Variants in SYMPK observed in about 807,000 individuals in gnomAD.
SYMPK encodes the protein symplekin.
Under a neutral mutation model 136.4 loss-of-function variants are expected in SYMPK, and 49 were observed. The ratio of observed to expected loss-of-function variants is 0.36; its 90% CI spans 0.29 to 0.46. The LOEUF is 0.46. Among genes scored for constraint, SYMPK ranks in the 20% least tolerant of loss-of-function variants. The probability of loss-of-function intolerance (pLI) is 1.00; values close to 1 mark genes in which losing one functional copy is unlikely to be tolerated. For synonymous variants in SYMPK, 766 were observed against 713.0 expected, an observed-to-expected ratio of 1.07 and a Z score of -1.19; for missense variants, 1,365 against 1,690.0, an observed-to-expected ratio of 0.81 and a Z score of 3.37.
intron 17 of SYMPK, 97 bp downstream of exon 17, chr19:45,826,129 C>G (rs12459063): frequency 0.85 from 1,267,242 of 1,498,222 alleles, 536,481 homozygotes; most frequent in African/African-American, 0.9. Flanking sequence ...TCCCGTCACT[C>G]GTGTCCGAGT....
chr19:45,859,939 G>A (rs1371790231), intron 1 of SYMPK, among the ~76,000 whole-genome samples: 3 of 124,100 alleles, frequency 2.4e-5, no homozygotes, highest in African/African-American at 9.8e-5. Flanking sequence ...TGGGAGACAC[G>A]GTAAGACTCC....
intron 1 of SYMPK, among the ~76,000 whole-genome samples, chr19:45,859,314 A>AAC (rs71175232): frequency 2.7e-5 from 4 of 149,010 alleles, no homozygotes; most frequent in Non-Finnish European, 4.5e-5. Flanking sequence ...AAAAAAAAAA[A>AAC]GGGCATGGTG....
chr19:45,857,163 C>A (rs1971840606), intron 1 of SYMPK, among the ~76,000 whole-genome samples: 1 of 151,762 alleles, frequency 6.6e-6, no homozygotes, highest in Non-Finnish European at 1.5e-5. Context: ...AATCCCAGCA[C>A]TTTGGGAGGC....
intron 13 of SYMPK, 47 bp from the exon 14 acceptor site, chr19:45,829,252 G>A: frequency 6.5e-7 from 1 of 1,536,374 alleles, no homozygotes; most frequent in African/African-American, 1.4e-5. Context: ...GGGCAATCCA[G>A]GGACTCCGCA....
In SYMPK at chr19:45,821,539, G is replaced by A. The variant is rs1970895958; in HGVS notation, c.2792-54C>T. The A allele has an allele frequency of 9.5e-6, 12 of 1,266,824 alleles. 1 individual carries two copies. In the South Asian group the frequency reaches 1.5e-4, roughly 15 times the overall value. 78.5% of individuals were successfully genotyped at this position (1,266,824 alleles called of 1,614,324 possible). A position where few individuals can be genotyped will look rare whatever the true frequency, so the allele number is the denominator to read the frequency against. ...AAGACAGTGCGGACGCATAAGTGAA[G>A]AGATGGGTCTGAGTTCCCCAGATCG... On this transcript the variant is annotated intron_variant, in intron 21 of 26. Coordinates refer to ENST00000245934, the MANE Select transcript of SYMPK (RefSeq NM_004819.3). This position sits in a 1 kb window ranked among gnomAD's most constrained non-coding sequence, Gnocchi z 4.4.
In SYMPK at chr19:45,815,680, C is replaced by T. The variant is rs1453832630; in HGVS notation, c.3705G>A (p.Gly1235=). Residue 1235 remains glycine (G), a synonymous_variant, in exon 27 of 27, where the codon GGG becomes GGA. Transcript: ENST00000245934. ...GPLPKETAAG[G]LTLKEERSPQ... ...GGCTCCGCTCCTCCTTCAAGGTCAGCCCGCCCGCTGCCGTCTCCTGGTGAC... is the reference window on the plus strand; with the variant it reads ...GGCTCCGCTCCTCCTTCAAGGTCAGTCCGCCCGCTGCCGTCTCCTGGTGAC... The T allele has an allele frequency of 1.2e-6, 2 of 1,610,006 alleles. No individual in the cohort carries two copies. Among genetic ancestry groups the T allele is most frequent in the South Asian group, 1.1e-5 (1 of 90,588 alleles).
chr19:45,825,022 G>A (rs1227480694), intron 18 of SYMPK, 149 bp downstream of exon 18: 25 of 926,304 alleles, frequency 2.7e-5, no homozygotes, highest in Non-Finnish European at 3.6e-5. Context: ...CATGCGGACC[G>A]CCTGCAAGCT....
intron 1 of SYMPK, among the ~76,000 whole-genome samples, chr19:45,856,829 C>T (rs750338401): frequency 3.3e-5 from 5 of 151,438 alleles, no homozygotes; most frequent in Non-Finnish European, 5.9e-5. Context: ...GTCTCAGAAA[C>T]AAACAGGCCA....
chr19:45,828,208 G>A, intron 14 of SYMPK: 2 of 376,036 alleles, frequency 5.3e-6, no homozygotes, highest in South Asian at 2.4e-5. Flanking sequence ...GGCGGGTGGA[G>A]AAGGGTGTGG....
Position 45,821,513 on chromosome 19 carries a change from G to GA in SYMPK, c.2792-29dup. On this transcript the variant is annotated intron_variant, in intron 21 of 26. Transcript: ENST00000245934. The surrounding 1 kb of genome is among the most constrained non-coding windows in gnomAD (Gnocchi z 4.4). The stretch of plus-strand genomic sequence containing the variant: ...GCAGCAGGCGGGAGGAAGGGTGGGG[G>GA]AAGACAGTGCGGACGCATAAGTGAA... The GA allele has an allele frequency of 3.9e-6, 6 of 1,527,314 alleles. No homozygotes were observed. Among genetic ancestry groups the GA allele is most frequent in the Non-Finnish European group, 5.4e-6 (6 of 1,102,244 alleles). 94.6% of individuals were successfully genotyped at this position (1,527,314 alleles called of 1,614,324 possible). A position where few individuals can be genotyped will look rare whatever the true frequency, so the allele number is the denominator to read the frequency against.
rs1359946733 is a variant in SYMPK at position 45,816,014 on chromosome 19, G to C, written c.3524C>G (p.Ser1175Cys). The C allele has an allele frequency of 2.5e-6, 4 of 1,597,108 alleles. No homozygotes were observed. Among genetic ancestry groups the C allele is most frequent in the Non-Finnish European group, 3.4e-6 (4 of 1,172,218 alleles). The change falls in exon 26 of 27, where the codon TCT (serine) becomes TGT (cysteine). Residue 1175 changes from serine to cysteine, a missense_variant. Physicochemically the swap from Ser to Cys is moderately radical, Grantham distance 112. Around this residue, in one of 11 missense-constraint regions of SYMPK, gnomAD observed 341 missense variants for 270.5 expected, o/e 1.26. Transcript: ENST00000245934. ...GAPSSSSPSP[S>C]PSARPGPPPS... is the part of the protein sequence containing the mutation. Reference sequence around the variant, plus strand: ...GGGCGGGCCTGGCCGGGCCGACGGAGAGGGAGAGGGGGAGGAAGAGGAGGG... The same window carrying C: ...GGGCGGGCCTGGCCGGGCCGACGGACAGGGAGAGGGGGAGGAAGAGGAGGG...
intron 9 of SYMPK, among the ~76,000 whole-genome samples, chr19:45,840,000 G>A (rs551612159): frequency 3.2e-4 from 48 of 152,222 alleles, no homozygotes; most frequent in African/African-American, 1.1e-3. Flanking sequence ...TTAACCAAGC[G>A]TTCAAAAGTT....
At chr19:45,838,111 G>A (rs1568617864) in intron 10 of SYMPK, among the ~76,000 whole-genome samples, 1 of 152,008 alleles carries the variant, frequency 6.6e-6, no homozygotes, top group Non-Finnish European at 1.5e-5. Context: ...GCTTGGTGCT[G>A]TCTTCAGGAT....
intron 10 of SYMPK, among the ~76,000 whole-genome samples, chr19:45,837,819 A>G (rs1364520379): frequency 6.6e-6 from 1 of 151,792 alleles, no homozygotes; most frequent in Non-Finnish European, 1.5e-5. Context: ...GGAGAGAAGG[A>G]AAAGAGGTTC....
intron 11 of SYMPK, among the ~76,000 whole-genome samples, chr19:45,832,264 C>T (rs575665963): frequency 6.6e-6 from 1 of 152,298 alleles, no homozygotes; most frequent in South Asian, 2.1e-4. Flanking sequence ...ACCTCAGCTT[C>T]TGGAGTAGCT....
At chr19:45,841,804 C>T (rs1169292097) in intron 9 of SYMPK, among the ~76,000 whole-genome samples, 1 of 152,110 alleles carries the variant, frequency 6.6e-6, no homozygotes, top group Non-Finnish European at 1.5e-5. Context: ...ACATAAAGCA[C>T]TTCTGGAGGA....
At chr19:45,834,940 T>C in intron 11 of SYMPK, 138 bp downstream of exon 11, 1 of 743,000 alleles carries the variant, frequency 1.3e-6, no homozygotes, top group East Asian at 2.8e-5. Context: ...GCCATCTATC[T>C]GTGGTACCTG....
At chr19:45,855,340 A>T (rs1165651935) in intron 1 of SYMPK, 1 of 152,226 alleles carries the variant, frequency 6.6e-6, no homozygotes, top group African/African-American at 2.4e-5. Flanking sequence ...GGGGGCTTTC[A>T]GGCATCCATC....
chr19:45,816,774 G>T (rs536382254), intron 24 of SYMPK, 24 bp downstream of exon 24: 2 of 1,511,666 alleles, frequency 1.3e-6, no homozygotes, highest in African/African-American at 2.8e-5. Flanking sequence ...GGGGGAAAGG[G>T]TACCTGGTGG....
Sources: gnomAD v4.1 joint callset for allele counts (sites outside exome capture counted in the v4.1 genomes callset) on GRCh38, gnomAD v4.1.1 for gene constraint, gnomAD v4.1.1 regional missense constraint, Gnocchi (gnomAD v3.1) non-coding constraint, MANE v1.5 for transcripts, NCBI Gene and HGNC (gene_info 2026-07-23, HGNC 2026-07-21) for gene names.